DLG1: variants seen among roughly 807,000 people sequenced by gnomAD.
The protein encoded by DLG1 is disks large homolog 1.
A neutral mutation model predicts 123.4 loss-of-function variants in DLG1; 42 were observed. The observed-to-expected ratio is 0.34, with a 90% confidence interval of 0.27 to 0.44. The LOEUF (loss-of-function observed/expected upper bound fraction) is 0.44. Among genes scored for constraint, DLG1 ranks in the 20% least tolerant of loss-of-function variants. The pLI is 1.00. For missense variants in DLG1, 942 were observed against 1,082.6 expected (o/e 0.87, Z 1.82); for synonymous variants, 317 against 356.2 (o/e 0.89, Z 1.24).
At chr3:197,059,339 A>G (rs1161755107) in intron 23 of DLG1, among the ~76,000 whole-genome samples, 3 of 152,088 alleles carry the variant, frequency 2.0e-5, no homozygotes, top group Non-Finnish European at 2.9e-5. Flanking sequence ...CTTACTTTCA[A>G]CCTTCCCATA....
At chr3:197,054,858 T>C (rs1730562265) in intron 23 of DLG1, among the ~76,000 whole-genome samples, 1 of 151,810 alleles carries the variant, frequency 6.6e-6, no homozygotes, top group Non-Finnish European at 1.5e-5. Flanking sequence ...TCTTGTTGCC[T>C]AGGCTGGGGT....
intron 4 of DLG1, among the ~76,000 whole-genome samples, chr3:197,236,246 A>T (rs1490035748): frequency 6.6e-6 from 1 of 152,030 alleles, no homozygotes; most frequent in East Asian, 1.9e-4. Flanking sequence ...CTGGGAGGAA[A>T]AGGTTCCAGT....
rs1013631400 is a variant in DLG1, at chr3:197,044,373, C to A, written c.*250G>T. The A allele has an allele frequency of 3.1e-6, 1 of 321,928 alleles. No homozygotes were observed. The highest frequency in any genetic ancestry group is 5.6e-6 in the Non-Finnish European group (1 of 177,946). 19.9% of individuals were successfully genotyped at this position (321,928 alleles called of 1,614,324 possible). On this transcript the variant is annotated 3_prime_UTR_variant, in exon 25 of 25. Transcript: ENST00000667157. Reference sequence around the variant, plus strand: ...TTACCACAATTTCTGCGTCTCCCCACGTTCTTAATAGCTGGTCAGGCCATT... The same window carrying A: ...TTACCACAATTTCTGCGTCTCCCCAAGTTCTTAATAGCTGGTCAGGCCATT...
At chr3:197,159,634 T>C (rs934657433) in intron 5 of DLG1, among the ~76,000 whole-genome samples, 1 of 152,208 alleles carries the variant, frequency 6.6e-6, no homozygotes, top group Non-Finnish European at 1.5e-5. Flanking sequence ...AAATTTTACT[T>C]GGGGACGGAT....
Position 197,178,313 on chromosome 3 carries a change from T to G in DLG1, c.483+16112A>C, listed in dbSNP as rs151075509. On this transcript the variant is annotated intron_variant, in intron 5 of 24. Transcript: ENST00000667157. The stretch of plus-strand genomic sequence containing the variant: ...ATCTTGAATAAAAAGCCAACAGGAT[T>G]TGGCATCAGACTGGATACGGAGCAA... Among the ~76,000 whole-genome samples, 38 of 152,252 alleles carry G rather than the reference T, an allele frequency of 2.5e-4. No individual in the cohort carries two copies. In the East Asian group the frequency reaches 6.6e-3, roughly 26 times the overall value.
At chr3:197,156,276 T>C (rs959892697) in intron 5 of DLG1, among the ~76,000 whole-genome samples, 2 of 151,990 alleles carry the variant, frequency 1.3e-5, no homozygotes, top group African/African-American at 2.4e-5. Flanking sequence ...GTAATCCCCA[T>C]GGTAACCACA....
At chr3:197,236,956 GAACA>G (rs1018413046) in intron 4 of DLG1, among the ~76,000 whole-genome samples, 17 of 152,184 alleles carry the variant, frequency 1.1e-4, no homozygotes, top group African/African-American at 3.9e-4. Context: ...ACATACTGGA[GAACA>G]AACAGGCAGT....
intron 3 of DLG1, among the ~76,000 whole-genome samples, chr3:197,294,873 A>G (rs1328154525): frequency 6.6e-6 from 1 of 152,196 alleles, no homozygotes; most frequent in East Asian, 1.9e-4. Flanking sequence ...CACAAAGAAA[A>G]GTCTGCAGTC....
chr3:197,266,645 A>G (rs1761824475), intron 4 of DLG1, among the ~76,000 whole-genome samples: 1 of 152,100 alleles, frequency 6.6e-6, no homozygotes, highest in Non-Finnish European at 1.5e-5. Context: ...AGAAGAGAAG[A>G]GAAACTAAAT....
intron 6 of DLG1, among the ~76,000 whole-genome samples, chr3:197,143,032 C>G (rs913380739): frequency 1.3e-5 from 2 of 152,156 alleles, no homozygotes; most frequent in Non-Finnish European, 2.9e-5. Context: ...AACCTCCGAT[C>G]CTTCTCTGTC....
intron 14 of DLG1, among the ~76,000 whole-genome samples, chr3:197,093,307 C>T (rs7632553): frequency 0.39 from 59,362 of 151,930 alleles, 12,117 homozygotes; most frequent in East Asian, 0.73. Context: ...TATAGACATG[C>T]GCTAACATGC....
chr3:197,202,111 AGCAAACCT>A (rs1017356689), intron 4 of DLG1, among the ~76,000 whole-genome samples: 6 of 152,340 alleles, frequency 3.9e-5, no homozygotes, highest in South Asian at 2.1e-4. Flanking sequence ...TTATTAATGT[AGCAAACCT>A]GCACTTGTAC....
chr3:197,043,563 AAT>A lies in DLG1; in HGVS notation c.*1058_*1059del, dbSNP rs1052709518. 3.3e-5 allele frequency: 5 copies of A among 151,816 alleles called. No homozygotes were observed. Among genetic ancestry groups the A allele is most frequent in the Non-Finnish European group, 7.4e-5 (5 of 67,950 alleles). 9.4% of individuals were successfully genotyped at this position (151,816 alleles called of 1,614,324 possible). ...TAGGAGTAGGTGGCAAAAGAAACAA[AAT>A]ATATTTTAAATATATATATATGTTT... On this transcript the variant is annotated 3_prime_UTR_variant, in exon 25 of 25. Coordinates refer to ENST00000667157, the MANE Select transcript of DLG1 (RefSeq NM_001366207.1).
At chr3:197,157,812 A>G (rs955618990) in intron 5 of DLG1, among the ~76,000 whole-genome samples, 3 of 152,246 alleles carry the variant, frequency 2.0e-5, no homozygotes, top group Non-Finnish European at 4.4e-5. Flanking sequence ...TTACAGTAAC[A>G]GAAACAGTCT....
intron 14 of DLG1, among the ~76,000 whole-genome samples, chr3:197,095,696 A>T (rs1760266090): frequency 6.6e-6 from 1 of 152,194 alleles, no homozygotes; most frequent in Non-Finnish European, 1.5e-5. Flanking sequence ...TCCCTTTTGC[A>T]AATAAATTAC....
chr3:197,265,479 T>C (rs973352840), intron 4 of DLG1, among the ~76,000 whole-genome samples: 4 of 152,036 alleles, frequency 2.6e-5, no homozygotes, highest in Non-Finnish European at 5.9e-5. Flanking sequence ...GAGAAAGCGT[T>C]GAGAATAAAC....
At chr3:197,266,043 C>T (rs1761537285) in intron 4 of DLG1, among the ~76,000 whole-genome samples, 1 of 152,152 alleles carries the variant, frequency 6.6e-6, no homozygotes, top group Non-Finnish European at 1.5e-5. Flanking sequence ...GGGCAAGACT[C>T]CGTCTCAAAA....
chr3:197,070,375 T>A (rs1742804767), intron 18 of DLG1: 1 of 150,458 alleles, frequency 6.6e-6, no homozygotes. Flanking sequence ...TAGCCCAGAG[T>A]GGCTGGGACT....
chr3:197,199,640 T>G (rs1258413037), intron 4 of DLG1, among the ~76,000 whole-genome samples: 1 of 152,158 alleles, frequency 6.6e-6, no homozygotes, highest in Non-Finnish European at 1.5e-5. Context: ...CAATTATTAT[T>G]TGAGAAAGTA....
Sources: gnomAD v4.1 joint callset for allele counts (sites outside exome capture counted in the v4.1 genomes callset) on GRCh38, gnomAD v4.1.1 for gene constraint, MANE v1.5 for transcripts, NCBI Gene and HGNC (gene_info 2026-07-23, HGNC 2026-07-21) for gene names.